The following GRIA4 variants were observed in gnomAD, a reference collection of about 807,000 sequenced individuals.
The protein encoded by GRIA4 is glutamate receptor 4.
Under a neutral mutation model 104.0 loss-of-function variants are expected in GRIA4, and 34 were observed. The observed-to-expected ratio is 0.33, with a 90% CI of 0.25 to 0.44. The LOEUF (loss-of-function observed/expected upper bound fraction) is 0.44. Among genes scored for constraint, GRIA4 ranks in the 20% least tolerant of loss-of-function variants. GRIA4 has a pLI of 1.00. For synonymous variants in GRIA4, 386 were observed against 381.9 expected (o/e 1.01, Z -0.13); for missense variants, 750 against 1,096.5 (o/e 0.68, Z 4.46).
intron 4 of GRIA4, among the ~76,000 whole-genome samples, chr11:105,760,391 C>A (rs1406676265): frequency 6.6e-6 from 1 of 152,142 alleles, no homozygotes; most frequent in Non-Finnish European, 1.5e-5. Flanking sequence ...TTCTCCTTGG[C>A]CCCAGTACTG....
intron 6 of GRIA4, among the ~76,000 whole-genome samples, chr11:105,892,723 G>T (rs560204094): frequency 1.3e-5 from 2 of 152,214 alleles, no homozygotes; most frequent in Non-Finnish European, 2.9e-5. Context: ...CATTGAGCAT[G>T]TCTGACTCTA....
chr11:105,743,744 C>G (rs1939472693), intron 3 of GRIA4, among the ~76,000 whole-genome samples: 1 of 152,170 alleles, frequency 6.6e-6, no homozygotes, highest in Non-Finnish European at 1.5e-5. Flanking sequence ...AAAAATCTTT[C>G]CAAGCTATCC....
At chr11:105,800,972 A>G (rs1366839529) in intron 4 of GRIA4, among the ~76,000 whole-genome samples, 1 of 151,936 alleles carries the variant, frequency 6.6e-6, no homozygotes, top group African/African-American at 2.4e-5. Flanking sequence ...AATTAACATA[A>G]AGTATAAATT....
intron 4 of GRIA4, among the ~76,000 whole-genome samples, chr11:105,760,711 C>A (rs1007314238): frequency 1.3e-5 from 2 of 151,860 alleles, no homozygotes; most frequent in Non-Finnish European, 2.9e-5. Flanking sequence ...TTTCATGATT[C>A]TAAGGCCTAT....
At chr11:105,763,276 C>G (rs1370449612) in intron 4 of GRIA4, among the ~76,000 whole-genome samples, 2 of 152,116 alleles carry the variant, frequency 1.3e-5, no homozygotes, top group Non-Finnish European at 2.9e-5. Flanking sequence ...GATAAGAAGT[C>G]TGGTTTGATT....
At chr11:105,915,264 C>T (rs1420666426) in intron 10 of GRIA4, among the ~76,000 whole-genome samples, 1 of 152,012 alleles carries the variant, frequency 6.6e-6, no homozygotes, top group Non-Finnish European at 1.5e-5. Flanking sequence ...TTGTTTATGC[C>T]CCTGGATAGG....
chr11:105,907,688 T>C (rs996274163), intron 9 of GRIA4, among the ~76,000 whole-genome samples: 1 of 152,338 alleles, frequency 6.6e-6, no homozygotes, highest in Middle Eastern at 3.4e-3. Flanking sequence ...TCAGAAATCT[T>C]TAATTGTAAA....
chr11:105,911,904 A>T lies in GRIA4; in HGVS notation c.1269+1359A>T, dbSNP rs776049399. 2.2e-5 allele frequency: 35 copies of T among 1,559,366 alleles called. No individual in the cohort carries two copies. The South Asian group carries it at 3.5e-4, about 16-fold the overall frequency. On this transcript the variant is annotated intron_variant, in intron 10 of 16. Transcript: ENST00000282499. ...CTGATGAAGAATCCTATTTTAAGAAATTGATCAAGAAAGAAAAGAGTTCCG... is the reference window on the plus strand; with the variant it reads ...CTGATGAAGAATCCTATTTTAAGAATTTGATCAAGAAAGAAAAGAGTTCCG...
At chr11:105,638,268 C>G (rs1179532148) in intron 3 of GRIA4, among the ~76,000 whole-genome samples, 1 of 152,086 alleles carries the variant, frequency 6.6e-6, no homozygotes, top group African/African-American at 2.4e-5. Context: ...CTGATAGGAA[C>G]AGTGAAAGAT....
chr11:105,642,891 A>G (rs983384695), intron 3 of GRIA4, among the ~76,000 whole-genome samples: 1 of 152,198 alleles, frequency 6.6e-6, no homozygotes, highest in Non-Finnish European at 1.5e-5. Flanking sequence ...AGTAATTTAT[A>G]AAGGAATGGT....
In GRIA4 at chr11:105,903,942, A is replaced by G; in HGVS notation, c.1014A>G (p.Pro338=). 2 of 1,613,540 alleles carry G rather than the reference A, an allele frequency of 1.2e-6. No individual in the cohort carries two copies. Among genetic ancestry groups the G allele is most frequent in the African/African-American group, 1.3e-5 (1 of 75,050 alleles). ...AGDCLANPAA[P]WGQGIDMERT... is the part of the protein sequence containing the mutation. ...ATTGTCTGGCAAATCCTGCTGCTCCATGGGGCCAGGGAATTGACATGGAGA... is the reference window on the plus strand; with the variant it reads ...ATTGTCTGGCAAATCCTGCTGCTCCGTGGGGCCAGGGAATTGACATGGAGA... Residue 338 remains proline, a synonymous_variant, in exon 8 of 17, where the codon CCA becomes CCG. Coordinates refer to ENST00000282499, the MANE Select transcript of GRIA4 (RefSeq NM_000829.4).
At chr11:105,671,246 C>A (rs1304007291) in intron 3 of GRIA4, among the ~76,000 whole-genome samples, 2 of 152,088 alleles carry the variant, frequency 1.3e-5, no homozygotes, top group African/African-American at 2.4e-5. Flanking sequence ...ACCATTCTAC[C>A]TACCATGGCT....
At chr11:105,624,455 T>C (rs1209226189) in intron 3 of GRIA4, among the ~76,000 whole-genome samples, 1 of 152,132 alleles carries the variant, frequency 6.6e-6, no homozygotes, top group African/African-American at 2.4e-5. Flanking sequence ...AGGAAGCTCT[T>C]GGAAAGAGAA....
chr11:105,720,368 T>G (rs1165338892), intron 3 of GRIA4, among the ~76,000 whole-genome samples: 1 of 152,068 alleles, frequency 6.6e-6, no homozygotes, highest in African/African-American at 2.4e-5. Flanking sequence ...TGTGGTTTTA[T>G]GTATACAAGG....
chr11:105,862,905 C>T (rs1945278374), intron 5 of GRIA4, among the ~76,000 whole-genome samples: 1 of 152,176 alleles, frequency 6.6e-6, no homozygotes, highest in Non-Finnish European at 1.5e-5. Flanking sequence ...ATCTGCCTTT[C>T]CCTACCCCTG....
At chr11:105,804,884 T>A (rs1456057107) in intron 4 of GRIA4, among the ~76,000 whole-genome samples, 2 of 151,880 alleles carry the variant, frequency 1.3e-5, no homozygotes, top group African/African-American at 4.8e-5. Context: ...CACAGCAGTT[T>A]GCCTTTTTTC....
At chr11:105,787,364 G>A (rs919604055) in intron 4 of GRIA4, among the ~76,000 whole-genome samples, 6 of 151,686 alleles carry the variant, frequency 4.0e-5, no homozygotes, top group South Asian at 2.1e-4. Context: ...TACAGAAAAC[G>A]TAAGATACTG....
chr11:105,698,647 C>G (rs535145144), intron 3 of GRIA4, among the ~76,000 whole-genome samples: 1 of 152,136 alleles, frequency 6.6e-6, no homozygotes, highest in Non-Finnish European at 1.5e-5. Flanking sequence ...ATCAGAACAC[C>G]AGAGAGAATG....
chr11:105,895,039 T>C (rs531152246), intron 6 of GRIA4, among the ~76,000 whole-genome samples: 1 of 103,226 alleles, frequency 9.7e-6, no homozygotes, highest in East Asian at 2.9e-4. Context: ...GACCTCATGA[T>C]CCACCCGCCT....
Sources: gnomAD v4.1 joint callset for allele counts (sites outside exome capture counted in the v4.1 genomes callset) on GRCh38, gnomAD v4.1.1 for gene constraint, MANE v1.5 for transcripts, NCBI Gene and HGNC (gene_info 2026-07-23, HGNC 2026-07-21) for gene names.